Variants in LARGE1 observed in about 807,000 individuals in gnomAD.
The protein encoded by LARGE1 is LARGE xylosyl- and glucuronyltransferase 1, also known as xylosyl- and glucuronyltransferase LARGE1.
Under a neutral mutation model 87.6 loss-of-function variants are expected in LARGE1, and 43 were observed. That is an observed-to-expected ratio of 0.49 (90% CI 0.38 to 0.63). The LOEUF is 0.63. Ranked by LOEUF, LARGE1 falls within the 30% of genes least tolerant of loss-of-function variation. The pLI is 0.00. For synonymous variants in LARGE1, 434 were observed against 394.6 expected (o/e 1.10, Z -1.18); for missense variants, 802 against 1,000.2 (o/e 0.80, Z 2.67).
intron 2 of LARGE1, among the ~76,000 whole-genome samples, chr22:33,752,870 A>T (rs1314648491): frequency 6.6e-6 from 1 of 152,352 alleles, no homozygotes; most frequent in South Asian, 2.1e-4. Context: ...AGTACCATTA[A>T]ATTAAGGATT....
Position 33,367,026 on chromosome 22 carries a change from T to C in LARGE1, c.1131+14893A>G, listed in dbSNP as rs531275952. On this transcript the variant is annotated intron_variant, in intron 9 of 14. Coordinates refer to ENST00000397394, the MANE Select transcript of LARGE1 (RefSeq NM_133642.5). ...AGATAATCTAAACTTTATACTTTTTTCTTAAATCGGTTTTGGTAAGTAACA... is the reference window on the plus strand; with the variant it reads ...AGATAATCTAAACTTTATACTTTTTCCTTAAATCGGTTTTGGTAAGTAACA... Among the ~76,000 whole-genome samples, 5 of 152,356 alleles carry C rather than the reference T, an allele frequency of 3.3e-5. No homozygotes were observed. The South Asian group carries it at 1.0e-3, about 32-fold the overall frequency.
At chr22:33,387,426 C>CAAAAAA (rs758366490) in intron 7 of LARGE1, among the ~76,000 whole-genome samples, 33 of 67,296 alleles carry the variant, frequency 4.9e-4, no homozygotes, top group African/African-American at 8.7e-4. Context: ...GACTCTGTCT[C>CAAAAAA]AAAAAAAAAA....
chr22:33,145,883 T>G, the LARGE1 span, among the ~76,000 whole-genome samples: 4 of 152,162 alleles, frequency 2.6e-5, no homozygotes, highest in African/African-American at 9.7e-5. Flanking sequence ...AGTTTCTTAT[T>G]TGTCATTCTC....
intron 11 of LARGE1, among the ~76,000 whole-genome samples, chr22:33,237,693 C>T (rs1214705920): frequency 6.6e-6 from 1 of 152,176 alleles, no homozygotes; most frequent in African/African-American, 2.4e-5. Flanking sequence ...TCCATGCTAG[C>T]AGGGGAAGAG....
chr22:33,886,356 T>C (rs2146796634), intron 1 of LARGE1, among the ~76,000 whole-genome samples: 1 of 152,312 alleles, frequency 6.6e-6, no homozygotes, highest in African/African-American at 2.4e-5. Context: ...AGTTTGGGCT[T>C]AAACTGTTTT....
At chr22:33,149,116 C>A in the LARGE1 span, among the ~76,000 whole-genome samples, 1 of 151,108 alleles carries the variant, frequency 6.6e-6, no homozygotes, top group African/African-American at 2.4e-5. Context: ...CGGCTCACTG[C>A]AATCTCCGCC....
At chr22:33,905,045 T>G (rs958534706) in intron 1 of LARGE1, among the ~76,000 whole-genome samples, 16 of 83,130 alleles carry the variant, frequency 1.9e-4, no homozygotes, top group African/African-American at 8.7e-4. Flanking sequence ...GGTATTTAAG[T>G]TTTTTTTTTT....
the LARGE1 span, among the ~76,000 whole-genome samples, chr22:33,102,679 C>T: frequency 2.0e-5 from 3 of 151,940 alleles, 1 homozygote; most frequent in Admixed American, 2.0e-4. Context: ...TTAGTAGAGA[C>T]GGGGTTTCGC....
chr22:33,626,008 T>C (rs928604395), intron 4 of LARGE1, among the ~76,000 whole-genome samples: 1 of 152,166 alleles, frequency 6.6e-6, no homozygotes, highest in African/African-American at 2.4e-5. Flanking sequence ...GAGGTGTCCT[T>C]TAAGATTGCA....
intron 12 of LARGE1, among the ~76,000 whole-genome samples, chr22:33,298,809 T>C (rs1933724001): frequency 6.7e-6 from 1 of 149,148 alleles, no homozygotes; most frequent in Non-Finnish European, 1.5e-5. Flanking sequence ...CCAGCCTGGG[T>C]GACAGAGCAA....
intron 6 of LARGE1, among the ~76,000 whole-genome samples, chr22:33,445,833 A>G (rs1268180138): frequency 1.3e-5 from 2 of 152,050 alleles, no homozygotes; most frequent in Non-Finnish European, 2.9e-5. Context: ...TATTTTTAAT[A>G]GAGATGGACT....
intron 12 of LARGE1, among the ~76,000 whole-genome samples, chr22:33,287,717 G>A (rs1569015831): frequency 6.6e-6 from 1 of 152,228 alleles, no homozygotes; most frequent in Non-Finnish European, 1.5e-5. Flanking sequence ...AGAATGCAGA[G>A]TCTTCCAGGA....
At chr22:33,920,671 G>A (rs2065922005), upstream of LARGE1, among the ~76,000 whole-genome samples, 1 of 145,706 alleles carries the variant, frequency 6.9e-6, no homozygotes, top group African/African-American at 2.5e-5. Flanking sequence ...CGGGAGCGGA[G>A]GCGCGGCGAG....
At chr22:33,713,757 G>A (rs1270656281) in intron 2 of LARGE1, among the ~76,000 whole-genome samples, 1 of 151,966 alleles carries the variant, frequency 6.6e-6, no homozygotes, top group African/African-American at 2.4e-5. Context: ...AGGAGTTCAA[G>A]ACCAGCGTGG....
intron 6 of LARGE1, among the ~76,000 whole-genome samples, chr22:33,560,468 G>A (rs1356956321): frequency 6.6e-6 from 1 of 152,158 alleles, no homozygotes; most frequent in Non-Finnish European, 1.5e-5. Flanking sequence ...TAGAGGGGAG[G>A]CATCTGTGCT....
chr22:33,104,937 T>C, the LARGE1 span, among the ~76,000 whole-genome samples: 6 of 117,340 alleles, frequency 5.1e-5, no homozygotes, highest in East Asian at 2.3e-4. Context: ...CTTTCTTTCT[T>C]TCTTTCTTTC....
At chr22:33,142,662 TC>T in the LARGE1 span, among the ~76,000 whole-genome samples, 64,010 of 151,872 alleles carry the variant, frequency 0.42, 13,924 homozygotes, top group South Asian at 0.68. Context: ...GAATAAATAC[TC>T]AGTTTTTGGT....
chr22:33,547,054 A>AT (rs11454236), intron 6 of LARGE1, among the ~76,000 whole-genome samples: 67,656 of 151,318 alleles, frequency 0.45, 15,649 homozygotes, highest in Admixed American at 0.52. Flanking sequence ...CTTTTTAAGC[A>AT]TTTTTTTTTC....
At chr22:33,880,448 A>G (rs2064642851) in intron 1 of LARGE1, among the ~76,000 whole-genome samples, 1 of 152,220 alleles carries the variant, frequency 6.6e-6, no homozygotes, top group South Asian at 2.1e-4. Flanking sequence ...TGAGAAATGT[A>G]CTATATTCCA....
Sources: gnomAD v4.1 joint callset for allele counts (sites outside exome capture counted in the v4.1 genomes callset) on GRCh38, gnomAD v4.1.1 for gene constraint, MANE v1.5 for transcripts, NCBI Gene and HGNC (gene_info 2026-07-23, HGNC 2026-07-21) for gene names.